Variants in IQCM observed in about 807,000 individuals in gnomAD.
IQCM encodes IQ domain-containing protein M.
A neutral mutation model predicts 57.6 loss-of-function variants in IQCM; 45 were observed. The observed-to-expected ratio is 0.78, with a 90% CI of 0.62 to 1.00. The LOEUF (loss-of-function observed/expected upper bound fraction) is 1.00, where lower values mean the gene tolerates loss of function less well. Ranked by LOEUF, IQCM falls within the 50% of genes least tolerant of loss-of-function variation. IQCM has a pLI of 0.00. For missense variants in IQCM, 468 were observed against 511.6 expected (o/e 0.91, Z 0.82); for synonymous variants, 148 against 158.9 (o/e 0.93, Z 0.51).
At chr4:149,511,519 C>T (rs1464226593) in intron 12 of IQCM, among the ~76,000 whole-genome samples, 1 of 142,898 alleles carries the variant, frequency 7.0e-6, no homozygotes. Context: ...CAGAATGAGA[C>T]CCTGTCTCTA....
At chr4:149,441,813 C>T (rs894015107) in intron 12 of IQCM, among the ~76,000 whole-genome samples, 2 of 152,128 alleles carry the variant, frequency 1.3e-5, no homozygotes, top group African/African-American at 4.8e-5. Flanking sequence ...TTCAGCTTGA[C>T]ATTTAGTTGC....
intron 8 of IQCM, among the ~76,000 whole-genome samples, chr4:149,620,244 T>A (rs1469744144): frequency 1.3e-5 from 2 of 151,552 alleles, no homozygotes; most frequent in African/African-American, 4.9e-5. Flanking sequence ...AGGAAAAGGG[T>A]CTCAGGAGAA....
At chr4:149,752,998 C>A (rs935898597) in intron 2 of IQCM, among the ~76,000 whole-genome samples, 13 of 152,146 alleles carry the variant, frequency 8.5e-5, no homozygotes, top group African/African-American at 2.9e-4. Context: ...CCCCAAGGAA[C>A]CAATATAAGA....
intron 8 of IQCM, among the ~76,000 whole-genome samples, chr4:149,618,040 A>G (rs1362388252): frequency 6.6e-6 from 1 of 152,212 alleles, no homozygotes; most frequent in Non-Finnish European, 1.5e-5. Flanking sequence ...AAAGAGCCTG[A>G]ATAGCCAAAG....
chr4:149,436,310 T>C (rs996136378), intron 12 of IQCM, among the ~76,000 whole-genome samples: 1 of 152,114 alleles, frequency 6.6e-6, no homozygotes, highest in Non-Finnish European at 1.5e-5. Context: ...TACACTAAAA[T>C]CTAAGTAGTG....
At chr4:149,443,537 T>G (rs933444607) in intron 12 of IQCM, among the ~76,000 whole-genome samples, 8 of 151,888 alleles carry the variant, frequency 5.3e-5, no homozygotes, top group Admixed American at 4.6e-4. Flanking sequence ...CCAAAAAACA[T>G]TCTCAGAAAA....
At chr4:149,644,245 C>A (rs1579825076) in intron 7 of IQCM, among the ~76,000 whole-genome samples, 1 of 152,126 alleles carries the variant, frequency 6.6e-6, no homozygotes, top group African/African-American at 2.4e-5. Context: ...TGATAGTGGG[C>A]CACTTAGCAG....
chr4:149,663,809 A>AT (rs1431995539), intron 7 of IQCM, among the ~76,000 whole-genome samples: 1 of 152,064 alleles, frequency 6.6e-6, no homozygotes, highest in Non-Finnish European at 1.5e-5. Context: ...ATCAGAGAAG[A>AT]TTTTTGCAGG....
At chr4:149,770,369 A>G (rs1387093111) in intron 2 of IQCM, among the ~76,000 whole-genome samples, 2 of 152,088 alleles carry the variant, frequency 1.3e-5, no homozygotes, top group South Asian at 2.1e-4. Flanking sequence ...AGATTTTAAG[A>G]AAGTTGTAAT....
intron 6 of IQCM, among the ~76,000 whole-genome samples, chr4:149,682,533 C>T (rs1031149454): frequency 6.6e-6 from 1 of 150,958 alleles, no homozygotes; most frequent in East Asian, 1.9e-4. Flanking sequence ...TTTTGAGTAG[C>T]ATGTTTTCCT....
rs1730077529 is a variant in IQCM at position 149,368,853 on chromosome 4, CATGT to C, written c.1391-16791_1391-16788del. On this transcript the variant is annotated intron_variant, in intron 13 of 13. Transcript: ENST00000636793. Reference sequence around the variant, plus strand: ...ACATGTATATATATACATATATATACATGTATATATATACATATATACACGTGTA... The same window carrying C: ...ACATGTATATATATACATATATATACATATATATACATATATACACGTGTA... Among the ~76,000 whole-genome samples the C allele has an allele frequency of 3.5e-5, 2 of 57,824 alleles. 1 individual carries two copies. Among genetic ancestry groups the C allele is most frequent in the South Asian group, 1.3e-3 (2 of 1,558 alleles). 37.9% of individuals were successfully genotyped at this position (57,824 alleles called of 152,430 possible).
At chr4:149,641,663 C>A (rs2150115883) in intron 7 of IQCM, among the ~76,000 whole-genome samples, 1 of 152,144 alleles carries the variant, frequency 6.6e-6, no homozygotes, top group South Asian at 2.1e-4. Context: ...AGGATTTCAA[C>A]AAAATATTAT....
At chr4:149,664,367 T>C (rs1266616717) in intron 7 of IQCM, among the ~76,000 whole-genome samples, 1 of 152,122 alleles carries the variant, frequency 6.6e-6, no homozygotes, top group African/African-American at 2.4e-5. Flanking sequence ...CCCTGCTTTT[T>C]CATGTTTCTT....
At chr4:149,354,998 T>C (rs1560766985) in intron 13 of IQCM, among the ~76,000 whole-genome samples, 1 of 152,118 alleles carries the variant, frequency 6.6e-6, no homozygotes, top group Non-Finnish European at 1.5e-5. Context: ...AGTAGAATAA[T>C]GATAATACTG....
chr4:149,390,881 G>T (rs941284897), intron 13 of IQCM, among the ~76,000 whole-genome samples: 25 of 146,264 alleles, frequency 1.7e-4, no homozygotes, highest in Non-Finnish European at 3.6e-4. Flanking sequence ...GTTTTGTTTT[G>T]TTTTTTTTTT....
chr4:149,721,142 T>A (rs1225020683), intron 5 of IQCM, among the ~76,000 whole-genome samples: 1 of 152,100 alleles, frequency 6.6e-6, no homozygotes, highest in East Asian at 1.9e-4. Context: ...CAATAAAAAA[T>A]AATACAATTT....
chr4:149,775,784 C>T (rs984862412), intron 2 of IQCM, among the ~76,000 whole-genome samples: 1 of 152,158 alleles, frequency 6.6e-6, no homozygotes, highest in African/African-American at 2.4e-5. Context: ...CTATCTATAG[C>T]AGGTTTAAAT....
At chr4:149,586,869 A>T (rs1278737589) in intron 9 of IQCM, among the ~76,000 whole-genome samples, 1 of 151,700 alleles carries the variant, frequency 6.6e-6, no homozygotes, top group Non-Finnish European at 1.5e-5. Context: ...TAATTCCAAC[A>T]TCCATAGAAA....
intron 12 of IQCM, among the ~76,000 whole-genome samples, chr4:149,532,562 TTC>T (rs1395319674): frequency 6.6e-6 from 1 of 151,990 alleles, no homozygotes; most frequent in Non-Finnish European, 1.5e-5. Context: ...ACTGAATCAT[TTC>T]TTTTTATCAC....
Sources: gnomAD v4.1 joint callset for allele counts (sites outside exome capture counted in the v4.1 genomes callset) on GRCh38, gnomAD v4.1.1 for gene constraint, MANE v1.5 for transcripts, NCBI Gene and HGNC (gene_info 2026-07-23, HGNC 2026-07-21) for gene names.